SLC39A11: variants seen among roughly 807,000 people sequenced by gnomAD.
The protein encoded by SLC39A11 is zinc transporter ZIP11.
Under a neutral mutation model 36.1 loss-of-function variants are expected in SLC39A11, and 33 were observed. That is an observed-to-expected ratio of 0.91 (90% confidence interval 0.69 to 1.22). The LOEUF is 1.22. Ranked by LOEUF, SLC39A11 falls within the 50% of genes most tolerant of loss-of-function variation. The pLI, the probability that SLC39A11 is intolerant of heterozygous loss-of-function variation, is 0.00. For missense variants in SLC39A11, 432 were observed against 430.3 expected (o/e 1.00, Z -0.03); for synonymous variants, 166 against 170.3 (o/e 0.97, Z 0.20).
At chr17:72,958,470 A>G (rs2086385502) in intron 4 of SLC39A11, among the ~76,000 whole-genome samples, 1 of 152,264 alleles carries the variant, frequency 6.6e-6, no homozygotes, top group African/African-American at 2.4e-5. Context: ...AAGGACCAAT[A>G]TCCAGGATCT....
intron 5 of SLC39A11, among the ~76,000 whole-genome samples, chr17:72,895,445 G>C (rs1411321459): frequency 1.3e-5 from 2 of 152,136 alleles, no homozygotes; most frequent in Non-Finnish European, 2.9e-5. Flanking sequence ...TGGGCATGCT[G>C]GTGCATGCCT....
intron 7 of SLC39A11, among the ~76,000 whole-genome samples, chr17:72,735,553 T>G (rs1466969518): frequency 6.6e-6 from 1 of 152,210 alleles, no homozygotes; most frequent in Non-Finnish European, 1.5e-5. Flanking sequence ...CTTGAGCCAC[T>G]GCACTGAGTT....
intron 5 of SLC39A11, among the ~76,000 whole-genome samples, chr17:72,879,822 G>C (rs2081102943): frequency 6.6e-6 from 1 of 152,218 alleles, no homozygotes; most frequent in Non-Finnish European, 1.5e-5. Flanking sequence ...AGAAATTCCA[G>C]TGAAACTGGC....
chr17:72,692,551 C>T (rs2072086171), intron 7 of SLC39A11, among the ~76,000 whole-genome samples: 1 of 152,082 alleles, frequency 6.6e-6, no homozygotes, highest in Non-Finnish European at 1.5e-5. Flanking sequence ...CCTGATAAAC[C>T]CATCAGATCT....
intron 5 of SLC39A11, among the ~76,000 whole-genome samples, chr17:72,872,081 T>C (rs1217962907): frequency 6.6e-6 from 1 of 152,164 alleles, no homozygotes; most frequent in Non-Finnish European, 1.5e-5. Flanking sequence ...ATAAAGGCAA[T>C]GATTTTTCCT....
At chr17:73,082,126 G>GAAA (rs1226809670) in intron 3 of SLC39A11, among the ~76,000 whole-genome samples, 1 of 117,896 alleles carries the variant, frequency 8.5e-6, no homozygotes, top group African/African-American at 3.3e-5. Flanking sequence ...TAAAAAAAAA[G>GAAA]AAAAAAAAAA....
intron 6 of SLC39A11, among the ~76,000 whole-genome samples, chr17:72,835,094 T>C (rs976142797): frequency 2.0e-5 from 3 of 152,262 alleles, no homozygotes; most frequent in Non-Finnish European, 1.5e-5. Flanking sequence ...AGAAGTGTGC[T>C]ACCGGCTTCT....
At chr17:73,058,814 G>A (rs1254207485) in intron 3 of SLC39A11, among the ~76,000 whole-genome samples, 1 of 152,206 alleles carries the variant, frequency 6.6e-6, no homozygotes, top group East Asian at 1.9e-4. Flanking sequence ...GAGAACTCAG[G>A]AGGCCTTGCC....
intron 2 of SLC39A11, among the ~76,000 whole-genome samples, chr17:73,087,507 ATACCCATGGATGGC>A (rs1163283570): frequency 1.3e-5 from 2 of 152,202 alleles, no homozygotes; most frequent in Non-Finnish European, 2.9e-5. Context: ...ATTCATCAAG[ATACCCATGGATGGC>A]TCCAGGGCTG....
chr17:73,067,814 C>T, intron 3 of SLC39A11: 2 of 1,467,154 alleles, frequency 1.4e-6, no homozygotes, highest in Non-Finnish European at 1.9e-6. Context: ...CTTTTCAGAG[C>T]TGTCTCTTCT....
At chr17:72,893,169 C>A (rs1358006162) in intron 5 of SLC39A11, among the ~76,000 whole-genome samples, 2 of 152,100 alleles carry the variant, frequency 1.3e-5, no homozygotes, top group African/African-American at 4.8e-5. Context: ...TGAATGAAAA[C>A]ATATGGACCA....
intron 7 of SLC39A11, among the ~76,000 whole-genome samples, chr17:72,713,242 C>T (rs779136972): frequency 5.9e-5 from 9 of 152,184 alleles, no homozygotes; most frequent in Non-Finnish European, 1.0e-4. Flanking sequence ...TTAGGAGCCA[C>T]AGTCCTAAAG....
chr17:72,850,636 A>G (rs1021036172), intron 5 of SLC39A11, among the ~76,000 whole-genome samples: 1 of 152,208 alleles, frequency 6.6e-6, no homozygotes, highest in Admixed American at 6.5e-5. Context: ...TTCCTGACTC[A>G]GCCACTGGCC....
At position 73,010,126 on chromosome 17, in the gene SLC39A11, C is replaced by A. The variant is rs548491734; in HGVS notation, c.306+21430G>T. On this transcript the variant is annotated intron_variant, in intron 4 of 9. Transcript: ENST00000255559. The stretch of plus-strand genomic sequence containing the variant: ...TCTGACTAGAGGGAGCATCTAAGTC[C>A]CCTGGAGATCTAGTTCAAAATGCAG... Among the ~76,000 whole-genome samples, 7 of 152,096 alleles carry A rather than the reference C, an allele frequency of 4.6e-5. No homozygotes were observed. In the South Asian group the frequency reaches 1.5e-3, roughly 32 times the overall value.
chr17:72,761,755 T>C (rs181247623), intron 6 of SLC39A11, among the ~76,000 whole-genome samples: 134 of 152,272 alleles, frequency 8.8e-4, no homozygotes, highest in African/African-American at 3.1e-3. Flanking sequence ...TCACTGTACA[T>C]TCCCAGGGAA....
At chr17:72,753,712 T>C (rs1434618978) in intron 6 of SLC39A11, among the ~76,000 whole-genome samples, 4 of 151,802 alleles carry the variant, frequency 2.6e-5, no homozygotes, top group African/African-American at 7.3e-5. Flanking sequence ...CGGGTTGACA[T>C]TGACGATAGT....
At chr17:72,907,131 G>A (rs917243004) in intron 5 of SLC39A11, among the ~76,000 whole-genome samples, 4 of 152,196 alleles carry the variant, frequency 2.6e-5, no homozygotes, top group African/African-American at 4.8e-5. Context: ...TTCACACAGC[G>A]AGTCCCTCCT....
Position 72,724,715 on chromosome 17 carries a change from A to C in SLC39A11, c.671+11935T>G, listed in dbSNP as rs1414733469. On this transcript the variant is annotated intron_variant, in intron 7 of 9. Coordinates refer to ENST00000255559, the MANE Select transcript of SLC39A11 (RefSeq NM_139177.4). ...TGGGCTAGATCAGGGATTTTCTGCC[A>C]AGTGCAGAGGGGAACTTTCATGGAA... 2.6e-5 allele frequency among the ~76,000 whole-genome samples: 4 copies of C among 152,236 alleles called. No individual in the cohort carries two copies. In the East Asian group the frequency reaches 7.7e-4, roughly 29 times the overall value.
intron 6 of SLC39A11, among the ~76,000 whole-genome samples, chr17:72,762,319 T>C (rs1469295168): frequency 1.3e-5 from 2 of 152,236 alleles, no homozygotes; most frequent in Non-Finnish European, 2.9e-5. Flanking sequence ...TTGGTCGTCC[T>C]CACTGCTTAT....
Sources: gnomAD v4.1 joint callset for allele counts (sites outside exome capture counted in the v4.1 genomes callset) on GRCh38, gnomAD v4.1.1 for gene constraint, MANE v1.5 for transcripts, NCBI Gene and HGNC (gene_info 2026-07-23, HGNC 2026-07-21) for gene names.